Variants in TSPAN9 observed in about 807,000 individuals in gnomAD.
TSPAN9 encodes the protein tetraspanin 9.
A neutral mutation model predicts 31.0 loss-of-function variants in TSPAN9; 16 were observed. The ratio of observed to expected loss-of-function variants is 0.52; its 90% CI spans 0.35 to 0.78. The LOEUF (loss-of-function observed/expected upper bound fraction) is 0.78. TSPAN9 is among the 30% of genes least tolerant of loss of function. TSPAN9 has a pLI of 0.01. For synonymous variants in TSPAN9, 145 were observed against 121.6 expected (o/e 1.19, Z -1.27); for missense variants, 272 against 312.5 (o/e 0.87, Z 0.98).
intron 3 of TSPAN9, among the ~76,000 whole-genome samples, chr12:3,268,801 T>C (rs878925661): frequency 5.8e-4 from 25 of 42,950 alleles, no homozygotes; most frequent in Admixed American, 1.2e-3. Flanking sequence ...GCCTGCCCTC[T>C]CTGTGTTCCT....
At chr12:3,273,482 G>A (rs746156897) in intron 3 of TSPAN9, among the ~76,000 whole-genome samples, 1 of 152,144 alleles carries the variant, frequency 6.6e-6, no homozygotes, top group Non-Finnish European at 1.5e-5. Context: ...AATCCCCTGA[G>A]TCACCCTGCC....
chr12:3,123,713 C>T (rs756895830), intron 2 of TSPAN9, among the ~76,000 whole-genome samples: 1 of 151,910 alleles, frequency 6.6e-6, no homozygotes, highest in African/African-American at 2.4e-5. Flanking sequence ...GCATTACCTA[C>T]CTTAATCCTT....
At chr12:3,137,744 G>C (rs1035998936) in intron 2 of TSPAN9, among the ~76,000 whole-genome samples, 10 of 152,132 alleles carry the variant, frequency 6.6e-5, no homozygotes. Flanking sequence ...TCCTCTCTCT[G>C]TTACATCAGC....
At chr12:3,165,358 C>T (rs1348881915) in intron 2 of TSPAN9, among the ~76,000 whole-genome samples, 2 of 152,130 alleles carry the variant, frequency 1.3e-5, no homozygotes, top group African/African-American at 2.4e-5. Flanking sequence ...GGAGGTTTGC[C>T]AGGAATCAGG....
chr12:3,169,705 A>G (rs1421347129), intron 2 of TSPAN9, among the ~76,000 whole-genome samples: 1 of 152,190 alleles, frequency 6.6e-6, no homozygotes, highest in Non-Finnish European at 1.5e-5. Flanking sequence ...AAAGGCTTCC[A>G]TGCCTGTGAG....
At chr12:3,110,224 G>A (rs1313312284) in intron 2 of TSPAN9, among the ~76,000 whole-genome samples, 1 of 152,130 alleles carries the variant, frequency 6.6e-6, no homozygotes, top group Non-Finnish European at 1.5e-5. Context: ...TAAGTACAGA[G>A]GCCAAGACCC....
intron 2 of TSPAN9, among the ~76,000 whole-genome samples, chr12:3,116,389 A>G (rs571312555): frequency 2.0e-4 from 31 of 152,318 alleles, no homozygotes; most frequent in African/African-American, 7.0e-4. Flanking sequence ...ATGTGATGAC[A>G]GGCATCGTAC....
intron 3 of TSPAN9, among the ~76,000 whole-genome samples, chr12:3,230,226 C>A (rs559717324): frequency 3.3e-5 from 5 of 152,128 alleles, no homozygotes; most frequent in Admixed American, 2.0e-4. Flanking sequence ...AGGCCGGTGC[C>A]GGTTATAGGC....
chr12:3,213,587 T>G (rs1388554657), intron 3 of TSPAN9, among the ~76,000 whole-genome samples: 1 of 152,126 alleles, frequency 6.6e-6, no homozygotes, highest in African/African-American at 2.4e-5. Context: ...CTCACTTTGT[T>G]CCCATTTATG....
rs2098387705 is a variant in TSPAN9, at chr12:3,226,742, GTGTATATATA to G, written c.63+25488_63+25497del. On this transcript the variant is annotated intron_variant, in intron 3 of 8. Coordinates refer to ENST00000011898, the MANE Select transcript of TSPAN9 (RefSeq NM_006675.5). ...TATGTGTGTGTGTGTGTGTGTGTGT[GTGTATATATA>G]TATATATATATATATATATATATAT... Among the ~76,000 whole-genome samples the G allele has an allele frequency of 3.9e-3, 13 of 3,298 alleles. 1 individual carries two copies. Among genetic ancestry groups the G allele is most frequent in the Non-Finnish European group, 6.3e-3 (9 of 1,432 alleles). The allele number at this position is 3,298 out of a possible 152,430, so 2.2% of individuals were successfully genotyped here.
At position 3,283,317 on chromosome 12, in the gene TSPAN9, G is replaced by A. The variant is rs1862937560; in HGVS notation, c.*201G>A. On this transcript the variant is annotated 3_prime_UTR_variant, in exon 9 of 9. Coordinates refer to ENST00000011898, the MANE Select transcript of TSPAN9 (RefSeq NM_006675.5). ...GAGGAGGAGGCACACGGAGACCTGG[G>A]GCTCGGGGCCCCTGGATTCCTGCAT... 1.8e-6 allele frequency: 1 copy of A among 569,338 alleles called. No individual in the cohort carries two copies. Among genetic ancestry groups the A allele is most frequent in the South Asian group, 2.6e-5 (1 of 38,048 alleles). The allele number at this position is 569,338 out of a possible 1,614,324, so 35.3% of individuals were successfully genotyped here.
intron 3 of TSPAN9, among the ~76,000 whole-genome samples, chr12:3,255,831 C>T (rs937094315): frequency 6.6e-6 from 1 of 152,210 alleles, no homozygotes; most frequent in Admixed American, 6.5e-5. Flanking sequence ...CATTCTCATC[C>T]GTACAGAGAT....
chr12:3,176,406 G>T (rs557976344), intron 2 of TSPAN9, among the ~76,000 whole-genome samples: 1 of 152,378 alleles, frequency 6.6e-6, no homozygotes, highest in East Asian at 1.9e-4. Flanking sequence ...CCACGCGGCT[G>T]TGTGCAAGCA....
chr12:3,260,247 T>C (rs1862423328), intron 3 of TSPAN9, among the ~76,000 whole-genome samples: 1 of 152,200 alleles, frequency 6.6e-6, no homozygotes, highest in South Asian at 2.1e-4. Flanking sequence ...AATAAGTGAC[T>C]ATGGAAAGAG....
At chr12:3,237,491 A>G (rs2153976804) in intron 3 of TSPAN9, among the ~76,000 whole-genome samples, 1 of 152,296 alleles carries the variant, frequency 6.6e-6, no homozygotes, top group East Asian at 1.9e-4. Context: ...GGCTTTGCCA[A>G]ATTCCTTCCC....
chr12:3,222,537 C>T (rs939769311), intron 3 of TSPAN9, among the ~76,000 whole-genome samples: 13 of 152,218 alleles, frequency 8.5e-5, no homozygotes, highest in East Asian at 3.8e-4. Context: ...TCTTGGCTCT[C>T]AGCCTCATCT....
intron 3 of TSPAN9, among the ~76,000 whole-genome samples, chr12:3,219,908 A>G (rs544430617): frequency 2.6e-4 from 39 of 151,376 alleles, no homozygotes; most frequent in East Asian, 2.5e-3. Flanking sequence ...TAATCCCAGC[A>G]CTTTGGAAGG....
chr12:3,115,888 C>A (rs572206131), intron 2 of TSPAN9, among the ~76,000 whole-genome samples: 1 of 152,190 alleles, frequency 6.6e-6, no homozygotes, highest in Non-Finnish European at 1.5e-5. Flanking sequence ...GCAGCTGTAC[C>A]GTTTTACATT....
intron 3 of TSPAN9, among the ~76,000 whole-genome samples, chr12:3,245,136 G>A (rs1862095692): frequency 6.6e-6 from 1 of 152,212 alleles, no homozygotes; most frequent in Non-Finnish European, 1.5e-5. Flanking sequence ...CATTCCCTCT[G>A]CTTCTCTCTG....
Sources: gnomAD v4.1 joint callset for allele counts (sites outside exome capture counted in the v4.1 genomes callset) on GRCh38, gnomAD v4.1.1 for gene constraint, MANE v1.5 for transcripts, NCBI Gene and HGNC (gene_info 2026-07-23, HGNC 2026-07-21) for gene names.